The following ABI3BP variants were observed in gnomAD, a reference collection of about 807,000 sequenced individuals.
ABI3BP encodes the protein ABI family member 3 binding protein.
Under a neutral mutation model 268.6 loss-of-function variants are expected in ABI3BP, and 216 were observed. That is an observed-to-expected ratio of 0.80 (90% confidence interval 0.72 to 0.90). The LOEUF is 0.90. Among genes scored for constraint, ABI3BP ranks in the 40% least tolerant of loss-of-function variants. The probability of loss-of-function intolerance (pLI) is 0.00; values close to 1 mark genes in which losing one functional copy is unlikely to be tolerated. For missense variants in ABI3BP, 2,090 were observed against 2,182.4 expected (o/e 0.96, Z 0.84); for synonymous variants, 730 against 730.0 (o/e 1.00, Z 0.00).
intron 55 of ABI3BP, among the ~76,000 whole-genome samples, 156 bp downstream of exon 55, chr3:100,792,535 G>A (rs989794): frequency 0.46 from 70,293 of 151,636 alleles, 17,290 homozygotes; most frequent in African/African-American, 0.65. Flanking sequence ...ATATTCATAT[G>A]AGTATTCAGA....
intron 3 of ABI3BP, among the ~76,000 whole-genome samples, chr3:100,900,430 T>G (rs2153487623): frequency 6.6e-6 from 1 of 152,298 alleles, no homozygotes; most frequent in Middle Eastern, 3.4e-3. Context: ...AAAGTCACAT[T>G]AAGAGCAAAG....
intron 14 of ABI3BP, among the ~76,000 whole-genome samples, chr3:100,858,560 T>G (rs567131436): frequency 4.5e-4 from 68 of 152,304 alleles, no homozygotes; most frequent in African/African-American, 1.5e-3. Context: ...ATATTCTGAT[T>G]TGCTGATACA....
chr3:100,951,564 G>C (rs934556665), intron 1 of ABI3BP, among the ~76,000 whole-genome samples: 3 of 151,922 alleles, frequency 2.0e-5, no homozygotes, highest in Non-Finnish European at 4.4e-5. Context: ...TTTTGTTGAT[G>C]CGGTCAGGCT....
At chr3:100,752,257 T>C (rs967484813) in intron 66 of ABI3BP, among the ~76,000 whole-genome samples, 2 of 152,206 alleles carry the variant, frequency 1.3e-5, no homozygotes, top group Admixed American at 1.3e-4. Flanking sequence ...ATAGGAAATA[T>C]CTTTTATGCT....
rs1014720605 is a variant in ABI3BP at position 100,865,677 on chromosome 3, T to A, written c.989-770A>T. On this transcript the variant is annotated intron_variant, in intron 10 of 67. Coordinates refer to ENST00000471714, the MANE Select transcript of ABI3BP (RefSeq NM_001375547.2). ...TAATAAGTTGTGGTGTTTTCCTAAG[T>A]GTTTCTGAAGTGGAAAACTCTGAGG... Among the ~76,000 whole-genome samples, 3 of 152,164 alleles carry A rather than the reference T, an allele frequency of 2.0e-5. No homozygotes were observed. In the East Asian group the frequency reaches 5.8e-4, roughly 29 times the overall value.
At chr3:100,923,922 C>T (rs1425579377) in intron 2 of ABI3BP, among the ~76,000 whole-genome samples, 1 of 152,124 alleles carries the variant, frequency 6.6e-6, no homozygotes, top group African/African-American at 2.4e-5. Flanking sequence ...ACACATCAGT[C>T]TTAGGATCAC....
chr3:100,765,748 C>G, intron 63 of ABI3BP, 93 bp downstream of exon 63: 3 of 1,012,842 alleles, frequency 3.0e-6, no homozygotes, highest in Non-Finnish European at 1.5e-6. Flanking sequence ...GAGCCACCCT[C>G]AAGACAGAGA....
intron 9 of ABI3BP, among the ~76,000 whole-genome samples, chr3:100,869,992 C>T (rs748606922): frequency 7.2e-5 from 11 of 152,048 alleles, no homozygotes; most frequent in Non-Finnish European, 1.5e-4. Context: ...TTATTCACAC[C>T]ATGTGTTCTT....
At chr3:100,823,301 T>C (rs2152696474) in intron 37 of ABI3BP, among the ~76,000 whole-genome samples, 157 bp downstream of exon 37, 1 of 152,334 alleles carries the variant, frequency 6.6e-6, no homozygotes, top group Admixed American at 6.5e-5. Context: ...GATTCATGCA[T>C]GACTGCTTCT....
At position 100,759,953 on chromosome 3, in the gene ABI3BP, A is replaced by G. The variant is rs557760819; in HGVS notation, c.4851-5262T>C. The stretch of plus-strand genomic sequence containing the variant: ...GAGACTAGAATTTCGCAGAAACACT[A>G]TGAAAAGGGTATAATGGCTATTCCA... On this transcript the variant is annotated intron_variant, in intron 63 of 67. Coordinates refer to ENST00000471714, the MANE Select transcript of ABI3BP (RefSeq NM_001375547.2). Among the ~76,000 whole-genome samples the G allele has an allele frequency of 3.0e-4, 46 of 152,340 alleles. No homozygotes were observed. The South Asian group carries it at 3.3e-3, about 11-fold the overall frequency.
chr3:100,847,656 C>T lies in ABI3BP; in HGVS notation c.1594G>A (p.Gly532Arg), dbSNP rs116508263. ...TTAGAAATTTTAGGTGTAATTGTTC[C>T]GGCACTTGTGGTTCTTTCTGGTGAT... Reference protein sequence around the residue: ...RTKPERTTSAGTITPKISKSP... With the variant: ...RTKPERTTSARTITPKISKSP... The change falls in exon 19 of 68, where the codon GGA (glycine) becomes AGA (arginine). Residue 532 changes from glycine (G) to arginine (R), a missense_variant. Transcript: ENST00000471714. The T allele has an allele frequency of 1.2e-3, 1,922 of 1,613,372 alleles. 15 individuals carry two copies. Among genetic ancestry groups the T allele is most frequent in the African/African-American group, 0.012 (869 of 74,964 alleles).
intron 57 of ABI3BP, among the ~76,000 whole-genome samples, chr3:100,784,170 C>A (rs1261967430): frequency 6.6e-6 from 1 of 152,168 alleles, no homozygotes; most frequent in Non-Finnish European, 1.5e-5. Context: ...TACGGAATCA[C>A]AAGATTTTTA....
At chr3:100,770,601 T>A in intron 62 of ABI3BP, 142 bp downstream of exon 62, 1 of 577,600 alleles carries the variant, frequency 1.7e-6, no homozygotes, top group East Asian at 3.3e-5. Context: ...GACAATAATG[T>A]GCCTTAAAGG....
intron 18 of ABI3BP, among the ~76,000 whole-genome samples, chr3:100,847,993 T>C (rs2098793038): frequency 6.6e-6 from 1 of 152,218 alleles, no homozygotes; most frequent in Admixed American, 6.5e-5. Context: ...TATATGTTAT[T>C]CCCTTCTCCT....
chr3:100,963,566 C>A (rs1053658004), intron 1 of ABI3BP, among the ~76,000 whole-genome samples: 1 of 152,184 alleles, frequency 6.6e-6, no homozygotes, highest in Non-Finnish European at 1.5e-5. Flanking sequence ...ACATATAGCT[C>A]ACGCTTAGGA....
chr3:100,849,916 G>A (rs1210733590), intron 17 of ABI3BP, 129 bp downstream of exon 17: 1 of 727,612 alleles, frequency 1.4e-6, no homozygotes, highest in Non-Finnish European at 2.3e-6. Flanking sequence ...GAATTTCATG[G>A]TAGAGACTGA....
intron 1 of ABI3BP, among the ~76,000 whole-genome samples, chr3:100,965,224 C>T (rs1427810156): frequency 1.3e-5 from 2 of 152,102 alleles, no homozygotes; most frequent in African/African-American, 2.4e-5. Flanking sequence ...CATGAGGGGC[C>T]ATGACCCTAA....
intron 63 of ABI3BP, among the ~76,000 whole-genome samples, chr3:100,756,291 G>A (rs771768741): frequency 2.6e-5 from 4 of 152,194 alleles, no homozygotes; most frequent in Non-Finnish European, 4.4e-5. Context: ...TCGGGAGGCC[G>A]AGGCAGGCAG....
chr3:100,761,071 CTT>C (rs1205400493), intron 63 of ABI3BP, among the ~76,000 whole-genome samples: 1 of 152,094 alleles, frequency 6.6e-6, no homozygotes, highest in Admixed American at 6.5e-5. Flanking sequence ...CTGTTCCCCT[CTT>C]TATGTCCATG....
Sources: gnomAD v4.1 joint callset for allele counts (sites outside exome capture counted in the v4.1 genomes callset) on GRCh38, gnomAD v4.1.1 for gene constraint, MANE v1.5 for transcripts, NCBI Gene and HGNC (gene_info 2026-07-23, HGNC 2026-07-21) for gene names.